The following PKHD1 variants were observed in gnomAD, a reference collection of about 807,000 sequenced individuals.
PKHD1 encodes fibrocystin.
PKHD1 carries 291 observed loss-of-function variants against 412.0 expected under a neutral mutation model. That is an observed-to-expected ratio of 0.71 (90% CI 0.64 to 0.78). The LOEUF is 0.78. Ranked by LOEUF, PKHD1 falls within the 30% of genes least tolerant of loss-of-function variation. The probability of loss-of-function intolerance (pLI) is 0.00; values close to 1 mark genes in which losing one functional copy is unlikely to be tolerated. For synonymous variants in PKHD1, 1,777 were observed against 1,821.5 expected, an observed-to-expected ratio of 0.98 and a Z score of 0.62; for missense variants, 4,825 against 4,950.7, an observed-to-expected ratio of 0.97 and a Z score of 0.76.
chr6:51,812,115 C>T (rs772113820), intron 52 of PKHD1, among the ~76,000 whole-genome samples: 25 of 152,086 alleles, frequency 1.6e-4, no homozygotes, highest in African/African-American at 2.4e-4. Flanking sequence ...ATTTACATCC[C>T]GCTCGGTCCC....
intron 60 of PKHD1, among the ~76,000 whole-genome samples, chr6:51,733,806 C>G (rs1315649104): frequency 6.6e-6 from 1 of 152,124 alleles, no homozygotes; most frequent in Non-Finnish European, 1.5e-5. Flanking sequence ...AAAAGGCAAA[C>G]TAGGTCACTG....
intron 35 of PKHD1, among the ~76,000 whole-genome samples, chr6:51,998,577 A>G (rs528887157): frequency 6.6e-6 from 1 of 152,348 alleles, no homozygotes; most frequent in South Asian, 2.1e-4. Flanking sequence ...TTTAGTAATT[A>G]TAATATTCTA....
At chr6:51,990,593 G>T (rs911848986) in intron 35 of PKHD1, among the ~76,000 whole-genome samples, 11 of 152,078 alleles carry the variant, frequency 7.2e-5, no homozygotes, top group African/African-American at 2.7e-4. Context: ...AAACACTTTT[G>T]TTCCTTAGTA....
At chr6:51,736,573 A>G (rs1400340673) in intron 60 of PKHD1, among the ~76,000 whole-genome samples, 1 of 152,160 alleles carries the variant, frequency 6.6e-6, no homozygotes, top group Non-Finnish European at 1.5e-5. Context: ...TAAAAGTCTA[A>G]TGTTTAACCA....
intron 66 of PKHD1, among the ~76,000 whole-genome samples, chr6:51,623,931 T>C (rs2150261585): frequency 6.6e-6 from 1 of 152,326 alleles, no homozygotes; most frequent in East Asian, 1.9e-4. Flanking sequence ...CCAAAATATA[T>C]GTTATAAAAT....
At chr6:51,797,265 GGTATAT>G (rs1268632491) in intron 52 of PKHD1, among the ~76,000 whole-genome samples, 1 of 151,532 alleles carries the variant, frequency 6.6e-6, no homozygotes, top group Non-Finnish European at 1.5e-5. Flanking sequence ...ATGAGAACAA[GGTATAT>G]GCCTTTGTTT....
chr6:51,676,284 A>G (rs942596020), intron 60 of PKHD1, among the ~76,000 whole-genome samples: 5 of 151,856 alleles, frequency 3.3e-5, no homozygotes, highest in East Asian at 1.9e-4. Context: ...TTATTTAGAA[A>G]AATGGATCTG....
chr6:52,086,044 T>C (rs981022037), intron 1 of PKHD1, among the ~76,000 whole-genome samples: 5 of 147,316 alleles, frequency 3.4e-5, no homozygotes, highest in Admixed American at 6.8e-5. Context: ...CATATAAATA[T>C]ATAAATATAT....
chr6:51,709,868 A>G (rs1267899775), intron 60 of PKHD1, among the ~76,000 whole-genome samples: 1 of 96,200 alleles, frequency 1.0e-5, no homozygotes, highest in Non-Finnish European at 1.9e-5. Flanking sequence ...TTTTTTTTAC[A>G]TAACTGACAA....
At chr6:51,702,924 A>C (rs1779618242) in intron 60 of PKHD1, among the ~76,000 whole-genome samples, 1 of 143,836 alleles carries the variant, frequency 7.0e-6, no homozygotes, top group Non-Finnish European at 1.5e-5. Flanking sequence ...GGTTACCTTC[A>C]ATTAAATAGG....
At chr6:51,849,670 T>G (rs982720839) in intron 49 of PKHD1, among the ~76,000 whole-genome samples, 1 of 152,248 alleles carries the variant, frequency 6.6e-6, no homozygotes, top group African/African-American at 2.4e-5. Flanking sequence ...TTTTCATGTT[T>G]GTTGGCCGCG....
intron 60 of PKHD1, among the ~76,000 whole-genome samples, chr6:51,685,216 C>T (rs1262399552): frequency 6.6e-6 from 1 of 152,030 alleles, no homozygotes; most frequent in Non-Finnish European, 1.5e-5. Flanking sequence ...GGGAGAATTC[C>T]TTCCTGTCCT....
At chr6:51,753,382 A>G in intron 56 of PKHD1, 29 bp from the exon 57 acceptor site, 1 of 1,601,900 alleles carries the variant, frequency 6.2e-7, no homozygotes, top group Non-Finnish European at 8.6e-7. Context: ...TGGGAAAAAA[A>G]AACTTTAAAA....
chr6:52,036,036 T>C (rs1803894337), intron 27 of PKHD1, among the ~76,000 whole-genome samples: 1 of 152,176 alleles, frequency 6.6e-6, no homozygotes, highest in African/African-American at 2.4e-5. Flanking sequence ...AGATTTTGAA[T>C]ATCATTCCTG....
intron 52 of PKHD1, among the ~76,000 whole-genome samples, chr6:51,808,192 T>C (rs1764138157): frequency 6.6e-6 from 1 of 152,182 alleles, no homozygotes; most frequent in Admixed American, 6.5e-5. Context: ...ACACATAGTG[T>C]ACAATTTGTA....
chr6:51,635,867 GCGGGGGGCC>G (rs1768478942), intron 64 of PKHD1, among the ~76,000 whole-genome samples: 1 of 86,482 alleles, frequency 1.2e-5, no homozygotes, highest in Non-Finnish European at 2.5e-5. Flanking sequence ...GTGGGGGGGG[GCGGGGGGCC>G]GGGGGCGGAT....
chr6:51,753,166 A>G, intron 57 of PKHD1, 35 bp downstream of exon 57: 2 of 1,595,428 alleles, frequency 1.3e-6, no homozygotes, highest in Non-Finnish European at 1.7e-6. Flanking sequence ...ATAGGCTCCA[A>G]CTGGTAATGG....
At chr6:51,800,333 A>G (rs1392438339) in intron 52 of PKHD1, among the ~76,000 whole-genome samples, 1 of 152,196 alleles carries the variant, frequency 6.6e-6, no homozygotes, top group Non-Finnish European at 1.5e-5. Flanking sequence ...AATATCTGGA[A>G]AGTTAACAAT....
intron 30 of PKHD1, 118 bp downstream of exon 30, chr6:52,028,038 A>G: frequency 8.2e-7 from 1 of 1,221,698 alleles, no homozygotes; most frequent in Non-Finnish European, 1.2e-6. Flanking sequence ...TATGATGTTC[A>G]TGTCTTTAAC....
Sources: gnomAD v4.1 joint callset for allele counts (sites outside exome capture counted in the v4.1 genomes callset) on GRCh38, gnomAD v4.1.1 for gene constraint, MANE v1.5 for transcripts, NCBI Gene and HGNC (gene_info 2026-07-23, HGNC 2026-07-21) for gene names.